Variants in CYP2S1 observed in about 807,000 individuals in gnomAD.
The protein encoded by CYP2S1 is cytochrome P450 2S1.
A neutral mutation model predicts 43.5 loss-of-function variants in CYP2S1; 32 were observed. The ratio of observed to expected loss-of-function variants is 0.74; its 90% CI spans 0.56 to 0.99. CYP2S1 has a LOEUF of 0.99. Among genes scored for constraint, CYP2S1 ranks in the 50% least tolerant of loss-of-function variants. The pLI is 0.00. For missense variants in CYP2S1, 575 were observed against 673.9 expected (o/e 0.85, Z 1.62); for synonymous variants, 283 against 302.9 (o/e 0.93, Z 0.68).
intron 1 of CYP2S1, among the ~76,000 whole-genome samples, chr19:41,194,266 C>A (rs1226049970): frequency 6.6e-6 from 1 of 152,050 alleles, no homozygotes; most frequent in East Asian, 1.9e-4. Context: ...CAAACTGCTT[C>A]TGGATTGCCC....
chr19:41,205,134 T>C (rs943487390), intron 7 of CYP2S1, among the ~76,000 whole-genome samples: 1 of 152,174 alleles, frequency 6.6e-6, no homozygotes, highest in Non-Finnish European at 1.5e-5. Context: ...CCAGGGGTTA[T>C]TCTGAGTGCT....
At position 41,197,869 on chromosome 19, in the gene CYP2S1, G is replaced by T. The variant is rs927971204; in HGVS notation, c.434G>T (p.Gly145Val). Residue 145 changes from glycine to valine, a missense_variant, in exon 3 of 9, where the codon GGC becomes GTC. Around this residue, in one of 2 missense-constraint regions of CYP2S1, gnomAD observed 353 missense variants for 367.6 expected, o/e 0.96. Coordinates refer to ENST00000310054, the MANE Select transcript of CYP2S1 (RefSeq NM_030622.8). ...LRDLGMGKRE[G>V]EELIQAEARC... is the part of the protein sequence containing the mutation. ...GACCTGGGCATGGGGAAGCGAGAAG[G>T]CGAGGAGCTGATCCAGGCGGAGGCC... is the stretch of plus-strand genomic sequence containing the variant. 1 of 1,614,154 alleles carries T rather than the reference G, an allele frequency of 6.2e-7. No homozygotes were observed. The highest frequency in any genetic ancestry group is 1.7e-5 in the Admixed American group (1 of 60,016).
rs148695011 is a variant in CYP2S1 at position 41,197,887 on chromosome 19, C to T, written c.452C>T (p.Ala151Val). Residue 151 changes from alanine (A) to valine (V), a missense_variant, in exon 3 of 9, where the codon GCG becomes GTG. By Grantham distance (64) the Ala-to-Val change is moderately conservative. Around this residue, in one of 2 missense-constraint regions of CYP2S1, gnomAD observed 353 missense variants for 367.6 expected, o/e 0.96. Transcript: ENST00000310054. ...CGAGAAGGCGAGGAGCTGATCCAGGCGGAGGCCCGGTGTCTGGTGGAGACA... is the reference window on the plus strand; with the variant it reads ...CGAGAAGGCGAGGAGCTGATCCAGGTGGAGGCCCGGTGTCTGGTGGAGACA... ...GKREGEELIQAEARCLVETFQ... is the reference protein window; with the variant it reads ...GKREGEELIQVEARCLVETFQ... The T allele has an allele frequency of 1.1e-4, 171 of 1,613,830 alleles. No individual in the cohort carries two copies. The highest frequency in any genetic ancestry group is 1.2e-4 in the Non-Finnish European group (143 of 1,179,962).
In CYP2S1 at chr19:41,198,751, C is replaced by A; in HGVS notation, c.697C>A (p.Pro233Thr). Residue 233 changes from proline to threonine, a missense_variant, in exon 5 of 9, where the codon CCC becomes ACC. Transcript: ENST00000310054. The surrounding 1 kb of genome is among the most constrained non-coding windows in gnomAD (Gnocchi z 4.9). ...CTGGTTCCTGCGGCCCCTGCCAGGC[C>A]CCCACAAGCAGCTCCTCCACCACGT... ...FSWFLRPLPG[P>T]HKQLLHHVST... is the part of the protein sequence containing the mutation. 1.2e-6 allele frequency: 2 copies of A among 1,614,218 alleles called. No homozygotes were observed. Among genetic ancestry groups the A allele is most frequent in the East Asian group, 4.5e-5 (2 of 44,886 alleles).
chr19:41,203,339 C>G (rs2033515537), intron 6 of CYP2S1, 111 bp from the exon 7 acceptor site: 2 of 1,267,538 alleles, frequency 1.6e-6, no homozygotes, highest in African/African-American at 3.1e-5. Context: ...GACCACTCCT[C>G]CCCACCTGTC....
At chr19:41,195,293 GGGAT>G (rs2033397537) in intron 2 of CYP2S1, among the ~76,000 whole-genome samples, 1 of 152,174 alleles carries the variant, frequency 6.6e-6, no homozygotes, top group African/African-American at 2.4e-5. Flanking sequence ...CAAGGTGCTG[GGGAT>G]TGGTGGGCAA....
intron 7 of CYP2S1, among the ~76,000 whole-genome samples, chr19:41,205,338 CTTTT>C (rs762223832): frequency 0.37 from 48,672 of 131,790 alleles, 10,328 homozygotes; most frequent in African/African-American, 0.63. Context: ...TTCTTTCTTT[CTTTT>C]TTTCTTTCTT....
At position 41,198,797 on chromosome 19, in the gene CYP2S1, C is replaced by T; in HGVS notation, c.743C>T (p.Thr248Ile). 1 of 1,614,232 alleles carries T rather than the reference C, an allele frequency of 6.2e-7. No individual in the cohort carries two copies. Among genetic ancestry groups the T allele is most frequent in the Non-Finnish European group, 8.5e-7 (1 of 1,180,032 alleles). The change falls in exon 5 of 9, where the codon ACA becomes ATA. Residue 248 changes from threonine (T) to isoleucine (I), a missense_variant. By Grantham distance (89) the Thr-to-Ile change is moderately conservative. Coordinates refer to ENST00000310054, the MANE Select transcript of CYP2S1 (RefSeq NM_030622.8). The surrounding 1 kb of genome is among the most constrained non-coding windows in gnomAD (Gnocchi z 4.9). ...LHHVSTLAAF[T>I]VRQVQQHQGN... is the part of the protein sequence containing the mutation. ...CACGTCAGCACCTTGGCTGCCTTCA[C>T]AGTCCGGCAGGTGCAGCAGCACCAG...
chr19:41,200,825 C>T (rs183010291), intron 5 of CYP2S1, among the ~76,000 whole-genome samples: 21 of 152,252 alleles, frequency 1.4e-4, no homozygotes, highest in African/African-American at 4.1e-4. Context: ...GAATGTGAAA[C>T]GACGCAGCCC....
intron 2 of CYP2S1, among the ~76,000 whole-genome samples, chr19:41,195,156 A>G (rs578039788): frequency 7.1e-4 from 108 of 152,216 alleles, no homozygotes; most frequent in Middle Eastern, 3.4e-3. Context: ...TGTAGGATTG[A>G]GTGATTGAGT....
chr19:41,194,433 G>A, intron 1 of CYP2S1, 111 bp from the exon 2 acceptor site: 1 of 1,362,832 alleles, frequency 7.3e-7, no homozygotes, highest in Non-Finnish European at 9.7e-7. Flanking sequence ...GTTCCTGGTA[G>A]AGGGCGTAGA....
chr19:41,194,908 G>T (rs1374234099), intron 2 of CYP2S1, among the ~76,000 whole-genome samples, 199 bp downstream of exon 2: 2 of 152,088 alleles, frequency 1.3e-5, no homozygotes, highest in East Asian at 3.9e-4. Flanking sequence ...TTGAGGTCAG[G>T]AGTTCGAGAC....
At chr19:41,201,478 G>C (rs1415922441) in intron 6 of CYP2S1, 106 bp downstream of exon 6, 1 of 1,466,474 alleles carries the variant, frequency 6.8e-7, no homozygotes, top group Non-Finnish European at 9.1e-7. Flanking sequence ...GGCTGAGGCG[G>C]GCTGATCACT....
In CYP2S1 at chr19:41,206,402, A is replaced by C; in HGVS notation, c.1429A>C (p.Thr477Pro). The C allele has an allele frequency of 6.2e-7, 1 of 1,614,082 alleles. No homozygotes were observed. The highest frequency in any genetic ancestry group is 8.5e-7 in the Non-Finnish European group (1 of 1,180,012). ...CPPDTLSLKP[T>P]VSGLFNIPPA... ...GCCGGACACCCTGAGCCTCAAGCCC[A>C]CCGTCAGTGGCCTTTTCAACATTCC... Residue 477 changes from threonine to proline, a missense_variant, in exon 9 of 9, where the codon ACC (threonine) becomes CCC (proline). Transcript: ENST00000310054.
intron 2 of CYP2S1, among the ~76,000 whole-genome samples, chr19:41,197,410 G>A (rs991275209): frequency 6.6e-6 from 1 of 151,942 alleles, no homozygotes; most frequent in Non-Finnish European, 1.5e-5. Flanking sequence ...CTAGAAAGAA[G>A]GAGGAATCGG....
At chr19:41,200,171 CTT>C (rs1479880988) in intron 5 of CYP2S1, among the ~76,000 whole-genome samples, 6 of 151,964 alleles carry the variant, frequency 3.9e-5, no homozygotes, top group Non-Finnish European at 7.4e-5. Flanking sequence ...TTTCTTTTCT[CTT>C]TTATTGAATA....
chr19:41,205,342 TTTTC>T (rs3082705), intron 7 of CYP2S1, among the ~76,000 whole-genome samples: 2,456 of 111,668 alleles, frequency 0.022, 35 homozygotes, highest in Middle Eastern at 0.041. Flanking sequence ...TTCTTTCTTT[TTTTC>T]TTTCTTTCTT....
At chr19:41,197,390 G>T (rs1253864177) in intron 2 of CYP2S1, among the ~76,000 whole-genome samples, 1 of 151,990 alleles carries the variant, frequency 6.6e-6, no homozygotes, top group Admixed American at 6.6e-5. Flanking sequence ...GTCCCCCTCA[G>T]GGAACCTCAC....
rs1257980560 is a variant in CYP2S1, at chr19:41,193,310, C to A, written c.46C>A (p.Leu16Ile). The A allele has an allele frequency of 6.5e-7, 1 of 1,541,874 alleles. No individual in the cohort carries two copies. The highest frequency in any genetic ancestry group is 2.0e-5 in the Admixed American group (1 of 50,550). ...TWALLLALAL[L>I]LLLTLALSGT... is the part of the protein sequence containing the mutation. ...GGCGCTGCTGCTGGCGCTGGCGCTG[C>A]TCCTGCTGCTGACGCTGGCGCTGTC... is the stretch of plus-strand genomic sequence containing the variant. Residue 16 changes from leucine to isoleucine, a missense_variant, in exon 1 of 9, where the codon CTC (leucine) becomes ATC (isoleucine). By Grantham distance (5) the Leu-to-Ile change is conservative (BLOSUM62 2). This residue lies in a region of CYP2S1 where 353 missense variants were observed against 367.6 expected (regional missense o/e 0.96). Coordinates refer to ENST00000310054, the MANE Select transcript of CYP2S1 (RefSeq NM_030622.8).
Sources: gnomAD v4.1 joint callset for allele counts (sites outside exome capture counted in the v4.1 genomes callset) on GRCh38, gnomAD v4.1.1 for gene constraint, gnomAD v4.1.1 regional missense constraint, Gnocchi (gnomAD v3.1) non-coding constraint, MANE v1.5 for transcripts, NCBI Gene and HGNC (gene_info 2026-07-23, HGNC 2026-07-21) for gene names.